SH3PXD2A: variants seen among roughly 807,000 people sequenced by gnomAD.
SH3PXD2A encodes SH3 and PX domains 2A, also known as SH3 and PX domain-containing protein 2A.
In SH3PXD2A, 32 loss-of-function variants were observed where a neutral mutation model predicts 115.2. The ratio of observed to expected loss-of-function variants is 0.28; its 90% CI spans 0.21 to 0.37. The LOEUF (loss-of-function observed/expected upper bound fraction) is 0.37, where lower values mean the gene tolerates loss of function less well. Ranked by LOEUF, SH3PXD2A falls within the 10% of genes least tolerant of loss-of-function variation. The probability of loss-of-function intolerance (pLI) is 1.00; values close to 1 mark genes in which losing one functional copy is unlikely to be tolerated. For missense variants in SH3PXD2A, 1,328 were observed against 1,498.7 expected, an observed-to-expected ratio of 0.89 and a Z score of 1.88; for synonymous variants, 610 against 629.1, an observed-to-expected ratio of 0.97 and a Z score of 0.45.
At position 103,740,526 on chromosome 10, in the gene SH3PXD2A, T is replaced by C. The variant is rs80354843; in HGVS notation, c.230-4718A>G. On this transcript the variant is annotated intron_variant, in intron 3 of 14. Transcript: ENST00000369774. The stretch of plus-strand genomic sequence containing the variant: ...CCTCAAGTAGAATCACCAGACACAG[T>C]ACCACTGGCCAGGGTCCCCACACCA... 1.4e-3 allele frequency among the ~76,000 whole-genome samples: 215 copies of C among 152,270 alleles called. 6 individuals are homozygous for C. The East Asian group carries it at 0.031, about 22-fold the overall frequency.
At chr10:103,607,954 C>T (rs1014869925) in intron 13 of SH3PXD2A, among the ~76,000 whole-genome samples, 5 of 151,722 alleles carry the variant, frequency 3.3e-5, no homozygotes, top group African/African-American at 1.2e-4. Context: ...TTGAAGGCAG[C>T]ATGCTCGTTA....
At chr10:103,748,329 AC>A (rs1346119706) in intron 3 of SH3PXD2A, among the ~76,000 whole-genome samples, 1 of 152,172 alleles carries the variant, frequency 6.6e-6, no homozygotes, top group African/African-American at 2.4e-5. Context: ...GGCAGACTGA[AC>A]ATGCCTAGGC....
intron 5 of SH3PXD2A, among the ~76,000 whole-genome samples, chr10:103,703,438 T>C (rs1431273014): frequency 1.3e-5 from 2 of 152,322 alleles, no homozygotes; most frequent in South Asian, 2.1e-4. Context: ...GACTCGGTTG[T>C]CTGTGCTGCA....
chr10:103,752,718 A>G (rs1025015609), intron 3 of SH3PXD2A, among the ~76,000 whole-genome samples: 18 of 152,202 alleles, frequency 1.2e-4, no homozygotes, highest in African/African-American at 3.4e-4. Flanking sequence ...CATAACAGTA[A>G]AGTGGGACAT....
intron 1 of SH3PXD2A, among the ~76,000 whole-genome samples, chr10:103,810,952 GCACA>G (rs71476608): frequency 6.5e-4 from 13 of 19,872 alleles, no homozygotes; most frequent in African/African-American, 1.2e-3. Flanking sequence ...GCGCGCGCGC[GCACA>G]CACACACACA....
chr10:103,656,684 G>T (rs888716967), intron 8 of SH3PXD2A, among the ~76,000 whole-genome samples: 3 of 152,072 alleles, frequency 2.0e-5, no homozygotes, highest in Non-Finnish European at 2.9e-5. Flanking sequence ...ACAAAAATTA[G>T]TCAGCCGTGG....
chr10:103,721,140 A>G (rs2038177028), intron 5 of SH3PXD2A, among the ~76,000 whole-genome samples: 1 of 152,216 alleles, frequency 6.6e-6, no homozygotes, highest in Non-Finnish European at 1.5e-5. Flanking sequence ...TAGGGACGGA[A>G]CGTGCACACA....
At chr10:103,748,162 C>T (rs150310273) in intron 3 of SH3PXD2A, among the ~76,000 whole-genome samples, 10 of 152,284 alleles carry the variant, frequency 6.6e-5, no homozygotes, top group Middle Eastern at 3.4e-3. Flanking sequence ...GACAGTTGAT[C>T]CTCATAACAA....
At position 103,620,089 on chromosome 10, in the gene SH3PXD2A, A is replaced by G. The variant is rs978745744; in HGVS notation, c.802+2381T>C. Among the ~76,000 whole-genome samples the G allele has an allele frequency of 5.3e-5, 8 of 152,220 alleles. No individual in the cohort carries two copies. Among genetic ancestry groups the G allele is most frequent in the African/African-American group, 1.9e-4 (8 of 41,458 alleles). ...AAACCCCATCTGGGGGCGCCAGACA[A>G]GAGGAGGCCCAGACAGACGGACATG... On this transcript the variant is annotated intron_variant, in intron 10 of 14. Transcript: ENST00000369774. The surrounding 1 kb of genome is among the most constrained non-coding windows in gnomAD (Gnocchi z 5.3).
intron 5 of SH3PXD2A, among the ~76,000 whole-genome samples, chr10:103,701,145 TATCC>T (rs376498733): frequency 0.69 from 38,315 of 55,344 alleles, 11,993 homozygotes; most frequent in East Asian, 0.8. Context: ...ATCCATCCAC[TATCC>T]ATCCATCCAT....
At chr10:103,668,741 C>T in intron 6 of SH3PXD2A, 89 bp from the exon 7 acceptor site, 1 of 1,222,568 alleles carries the variant, frequency 8.2e-7, no homozygotes, top group Non-Finnish European at 1.2e-6. Context: ...CAGTGAGTGG[C>T]TGCAGGCGCC....
At chr10:103,611,684 C>T in intron 12 of SH3PXD2A, 54 bp from the exon 13 acceptor site, 1 of 1,358,792 alleles carries the variant, frequency 7.4e-7, no homozygotes. Context: ...GGCAACAGTA[C>T]CCATACCTGC....
Position 103,603,359 on chromosome 10 carries a change from T to A in SH3PXD2A, c.1859A>T (p.Tyr620Phe), listed in dbSNP as rs1181865196. 6.2e-7 allele frequency: 1 copy of A among 1,614,148 alleles called. No homozygotes were observed. The highest frequency in any genetic ancestry group is 8.5e-7 in the Non-Finnish European group (1 of 1,180,026). Residue 620 changes from tyrosine to phenylalanine, a missense_variant, in exon 15 of 15, where the codon TAT becomes TTT. Physicochemically the swap from Tyr to Phe is conservative, Grantham distance 22. Coordinates refer to ENST00000369774, the MANE Select transcript of SH3PXD2A (RefSeq NM_001394015.1). Reference sequence around the variant, plus strand: ...ATATGGCCGGAAGCCCTCATTCTCATAGATGGTCTCCTCTTCCAGGGCCAC... The same window carrying A: ...ATATGGCCGGAAGCCCTCATTCTCAAAGATGGTCTCCTCTTCCAGGGCCAC... ...EDVALEEETI[Y>F]ENEGFRPYAE...
Position 103,782,931 on chromosome 10 carries a change from CT to C in SH3PXD2A, c.154-15763del, listed in dbSNP as rs199784990. ...AAGAGTACATGAAATGAATGCATGC[CT>C]TGGGGGGGGGGGCTCTCTGATTCTA... On this transcript the variant is annotated intron_variant, in intron 2 of 14. Coordinates refer to ENST00000369774, the MANE Select transcript of SH3PXD2A (RefSeq NM_001394015.1). Among the ~76,000 whole-genome samples, 1,238 of 139,424 alleles carry C rather than the reference CT, an allele frequency of 8.9e-3. 16 individuals carry two copies. The highest frequency in any genetic ancestry group is 0.031 in the African/African-American group (994 of 32,442). 91.5% of individuals were successfully genotyped at this position (139,424 alleles called of 152,430 possible). A position where few individuals can be genotyped will look rare whatever the true frequency, so the allele number is the denominator to read the frequency against.
intron 3 of SH3PXD2A, among the ~76,000 whole-genome samples, chr10:103,748,250 C>T (rs1012103756): frequency 6.6e-6 from 1 of 152,194 alleles, no homozygotes; most frequent in Admixed American, 6.5e-5. Flanking sequence ...AAGTTGAGTG[C>T]CCCGCCCAGG....
intron 6 of SH3PXD2A, among the ~76,000 whole-genome samples, chr10:103,670,003 C>T (rs1335985330): frequency 6.6e-6 from 1 of 152,176 alleles, no homozygotes; most frequent in African/African-American, 2.4e-5. Context: ...AATAACTTGC[C>T]CAAGATCACA....
At chr10:103,785,068 G>T (rs2038968082) in intron 2 of SH3PXD2A, among the ~76,000 whole-genome samples, 1 of 152,134 alleles carries the variant, frequency 6.6e-6, no homozygotes, top group Non-Finnish European at 1.5e-5. Flanking sequence ...CCAGTTGATG[G>T]CAAAGGCTTG....
Position 103,602,470 on chromosome 10 carries a change from G to A in SH3PXD2A, c.2748C>T (p.Gly916=), listed in dbSNP as rs771675252. 5 of 1,614,136 alleles carry A rather than the reference G, an allele frequency of 3.1e-6. No homozygotes were observed. The East Asian group carries it at 6.7e-5, about 22-fold the overall frequency. Residue 916 remains glycine, a synonymous_variant, in exon 15 of 15, where the codon GGC becomes GGT. Transcript: ENST00000369774. ...GKELDTVPAK[G]RQNEGKSDSL... is the part of the protein sequence containing the mutation. Reference sequence around the variant, plus strand: ...TGTCTGATTTGCCTTCGTTCTGCCTGCCCTTGGCGGGCACTGTGTCCAGCT... The same window carrying A: ...TGTCTGATTTGCCTTCGTTCTGCCTACCCTTGGCGGGCACTGTGTCCAGCT...
rs1031770246 is a variant in SH3PXD2A, at chr10:103,648,871, A to G, written c.604+12112T>C. ...GCACACCCTTTGGCTGCCATAGTAC[A>G]GAAGTGGCTCAGGGAAGCTCAAGAC... On this transcript the variant is annotated intron_variant, in intron 8 of 14. Coordinates refer to ENST00000369774, the MANE Select transcript of SH3PXD2A (RefSeq NM_001394015.1). 2.6e-5 allele frequency among the ~76,000 whole-genome samples: 4 copies of G among 152,258 alleles called. No individual in the cohort carries two copies. In the South Asian group the frequency reaches 8.3e-4, roughly 32 times the overall value.
Sources: gnomAD v4.1 joint callset for allele counts (sites outside exome capture counted in the v4.1 genomes callset) on GRCh38, gnomAD v4.1.1 for gene constraint, Gnocchi (gnomAD v3.1) non-coding constraint, MANE v1.5 for transcripts, NCBI Gene and HGNC (gene_info 2026-07-23, HGNC 2026-07-21) for gene names.